The following TRMT11 variants were observed in gnomAD, a reference collection of about 807,000 sequenced individuals.
TRMT11 encodes the protein tRNA (guanine(10)-N(2))-methyltransferase TRMT11.
A neutral mutation model predicts 62.8 loss-of-function variants in TRMT11; 53 were observed. That is an observed-to-expected ratio of 0.84 (90% CI 0.68 to 1.06). The LOEUF (loss-of-function observed/expected upper bound fraction) is 1.06, where lower values mean the gene tolerates loss of function less well. Among genes scored for constraint, TRMT11 ranks in the 50% least tolerant of loss-of-function variants. The pLI is 0.00. For missense variants in TRMT11, 556 were observed against 553.4 expected, an observed-to-expected ratio of 1.00 and a Z score of -0.05; for synonymous variants, 188 against 190.3, an observed-to-expected ratio of 0.99 and a Z score of 0.10.
chr6:126,224,168 A>AAT, the TRMT11 span, among the ~76,000 whole-genome samples: 12 of 152,362 alleles, frequency 7.9e-5, no homozygotes, highest in African/African-American at 2.6e-4. Flanking sequence ...AGCCTGGTTA[A>AAT]GAACCATTGC....
At chr6:126,043,171 T>A (rs1279169093), downstream of TRMT11, among the ~76,000 whole-genome samples, 1 of 149,162 alleles carries the variant, frequency 6.7e-6, no homozygotes, top group Non-Finnish European at 1.5e-5. Context: ...TCATTTAGCA[T>A]TAGGTATATC....
intron 21 of TRMT11, among the ~76,000 whole-genome samples, chr6:126,135,375 T>C (rs941105494): frequency 6.6e-6 from 1 of 151,370 alleles, no homozygotes; most frequent in East Asian, 1.9e-4. Context: ...TGCCAAAAAA[T>C]TAGAAAACTT....
chr6:126,246,948 A>G, the TRMT11 span, among the ~76,000 whole-genome samples: 1 of 152,330 alleles, frequency 6.6e-6, no homozygotes, highest in African/African-American at 2.4e-5. Flanking sequence ...GCAGCCTACA[A>G]TTTGCACTCA....
At chr6:126,044,465 G>C (rs1270667603) in intron 16 of TRMT11, among the ~76,000 whole-genome samples, 2 of 152,122 alleles carry the variant, frequency 1.3e-5, no homozygotes, top group African/African-American at 4.8e-5. Context: ...TAGCCTTGTA[G>C]TATAGTTTGA....
chr6:126,008,303 C>A, intron 7 of TRMT11, 89 bp from the exon 8 acceptor site: 1 of 1,067,368 alleles, frequency 9.4e-7, no homozygotes, highest in Non-Finnish European at 1.5e-6. Context: ...CTGCCTGCAG[C>A]TAGTTTCTAA....
rs182805421 is a variant in TRMT11 at position 126,200,109 on chromosome 6, G to T, written n.371+209G>T. ...ACTTGTAAGGGCAGGGGTCATGAGA[G>T]TATAAATGGGACAGAATTCTGAAGG... On this transcript the variant is annotated intron_variant and non_coding_transcript_variant, in intron 3 of 3. Transcript: ENST00000444229. 1.3e-4 allele frequency among the ~76,000 whole-genome samples: 20 copies of T among 152,318 alleles called. No individual in the cohort carries two copies. In the East Asian group the frequency reaches 3.9e-3, roughly 29 times the overall value.
chr6:126,244,389 C>T, the TRMT11 span, among the ~76,000 whole-genome samples: 1 of 152,142 alleles, frequency 6.6e-6, no homozygotes, highest in African/African-American at 2.4e-5. Flanking sequence ...TAAGTCTCTT[C>T]TCTCTCTTCC....
intron 1 of TRMT11, among the ~76,000 whole-genome samples, chr6:125,990,186 G>A (rs1191784408): frequency 6.6e-6 from 1 of 152,092 alleles, no homozygotes; most frequent in Non-Finnish European, 1.5e-5. Flanking sequence ...GTTTCATATA[G>A]TGGGCTATTT....
At chr6:126,150,182 A>C (rs1045715287) in intron 21 of TRMT11, among the ~76,000 whole-genome samples, 13 of 152,118 alleles carry the variant, frequency 8.5e-5, no homozygotes, top group African/African-American at 3.1e-4. Context: ...TAGGAAGAGG[A>C]AGAGAGACCT....
At chr6:126,050,768 C>T (rs909229773) in intron 16 of TRMT11, among the ~76,000 whole-genome samples, 1 of 151,750 alleles carries the variant, frequency 6.6e-6, no homozygotes, top group Admixed American at 6.6e-5. Context: ...GGTAAATAAA[C>T]AGTCCATGTG....
At chr6:126,193,490 ATTT>A (rs60064329) in intron 1 of TRMT11, among the ~76,000 whole-genome samples, 88 of 73,272 alleles carry the variant, frequency 1.2e-3, no homozygotes, top group African/African-American at 4.4e-3. Flanking sequence ...GCGTTTCTGT[ATTT>A]TTTTTTTTTT....
At chr6:126,057,474 A>G (rs1226233682) in intron 17 of TRMT11, among the ~76,000 whole-genome samples, 1 of 152,206 alleles carries the variant, frequency 6.6e-6, no homozygotes, top group Non-Finnish European at 1.5e-5. Flanking sequence ...CAAGTACCCT[A>G]TTGATTGGAA....
chr6:126,184,270 T>C (rs1778501826), intron 1 of TRMT11, among the ~76,000 whole-genome samples: 1 of 152,178 alleles, frequency 6.6e-6, no homozygotes. Context: ...AGAGGTCTTC[T>C]TTGAAATAAG....
chr6:126,201,425 T>G (rs968237379), intron 3 of TRMT11, among the ~76,000 whole-genome samples: 17 of 152,242 alleles, frequency 1.1e-4, no homozygotes, highest in African/African-American at 4.1e-4. Flanking sequence ...GCATGCTGCC[T>G]GTTTTATCCT....
chr6:126,002,793 A>T (rs1244045263), intron 7 of TRMT11, among the ~76,000 whole-genome samples: 1 of 152,054 alleles, frequency 6.6e-6, no homozygotes, highest in East Asian at 1.9e-4. Context: ...TAGGTGACTA[A>T]CTTCATTGTT....
intron 17 of TRMT11, among the ~76,000 whole-genome samples, chr6:126,111,800 A>T (rs1236719519): frequency 6.6e-6 from 1 of 152,138 alleles, no homozygotes; most frequent in African/African-American, 2.4e-5. Flanking sequence ...GATGCCTGGC[A>T]CAATAACTTC....
At chr6:126,179,167 T>C (rs1481175846) in intron 1 of TRMT11, among the ~76,000 whole-genome samples, 1 of 152,194 alleles carries the variant, frequency 6.6e-6, no homozygotes, top group Non-Finnish European at 1.5e-5. Context: ...GAAGAAATTG[T>C]GTCACTTCTT....
intron 3 of TRMT11, 93 bp downstream of exon 3, chr6:125,996,133 T>C: frequency 2.5e-6 from 2 of 811,414 alleles, no homozygotes; most frequent in Non-Finnish European, 2.0e-6. Flanking sequence ...GTGTGAAGGC[T>C]CAGTTTAGCT....
chr6:126,052,391 CCTCT>C (rs1298108299), intron 16 of TRMT11, among the ~76,000 whole-genome samples: 1 of 152,172 alleles, frequency 6.6e-6, no homozygotes, highest in African/African-American at 2.4e-5. Flanking sequence ...ACTTCCCCTT[CCTCT>C]CTCTTATTAA....
Sources: allele counts gnomAD v4.1 joint callset (sites outside exome capture counted in the v4.1 genomes callset), GRCh38; gene constraint gnomAD v4.1.1; transcripts MANE v1.5; gene names NCBI Gene and HGNC (gene_info 2026-07-23, HGNC 2026-07-21).